Variants in ATG10 observed in about 807,000 individuals in gnomAD.
ATG10 encodes ubiquitin-like-conjugating enzyme ATG10.
In ATG10, 30 loss-of-function variants were observed where a neutral mutation model predicts 32.1. That is an observed-to-expected ratio of 0.94 (90% CI 0.70 to 1.27). The LOEUF is 1.27. Ranked by LOEUF, ATG10 falls within the 50% of genes most tolerant of loss-of-function variation. The pLI is 0.00. For missense variants in ATG10, 233 were observed against 262.3 expected (o/e 0.89, Z 0.77); for synonymous variants, 87 against 91.5 (o/e 0.95, Z 0.28).
intron 5 of ATG10, among the ~76,000 whole-genome samples, chr5:82,237,697 T>C (rs1053144624): frequency 1.3e-5 from 2 of 151,784 alleles, no homozygotes; most frequent in Non-Finnish European, 2.9e-5. Flanking sequence ...AGAAGTGACC[T>C]CTCCTTTCTT....
intron 2 of ATG10, among the ~76,000 whole-genome samples, chr5:82,014,811 C>G (rs796459290): frequency 6.6e-6 from 1 of 152,270 alleles, no homozygotes; most frequent in East Asian, 1.9e-4. Context: ...TTAATTGGAG[C>G]ATTTAGCCCA....
chr5:82,092,076 T>G (rs1288953956), intron 3 of ATG10, among the ~76,000 whole-genome samples: 1 of 152,182 alleles, frequency 6.6e-6, no homozygotes, highest in African/African-American at 2.4e-5. Flanking sequence ...CACTACCAAT[T>G]TAGTTTAATA....
intron 2 of ATG10, among the ~76,000 whole-genome samples, chr5:82,012,631 C>T (rs1229816412): frequency 6.6e-6 from 1 of 152,086 alleles, no homozygotes; most frequent in East Asian, 1.9e-4. Flanking sequence ...TCTGAGAGCT[C>T]CTTGACAGCA....
chr5:82,148,566 T>C (rs1767458139), intron 3 of ATG10, among the ~76,000 whole-genome samples: 2 of 152,186 alleles, frequency 1.3e-5, no homozygotes, highest in African/African-American at 4.8e-5. Flanking sequence ...TACTTTGACA[T>C]TTATATCCCC....
intron 2 of ATG10, among the ~76,000 whole-genome samples, chr5:82,047,231 T>A (rs1763260288): frequency 6.6e-6 from 1 of 152,032 alleles, no homozygotes; most frequent in Non-Finnish European, 1.5e-5. Context: ...AAAACCAAAT[T>A]GTTTAATAAA....
At chr5:82,170,511 A>C (rs1215332951) in intron 4 of ATG10, among the ~76,000 whole-genome samples, 2 of 152,182 alleles carry the variant, frequency 1.3e-5, no homozygotes, top group African/African-American at 4.8e-5. Flanking sequence ...AAGGGTATTC[A>C]AAGTGCTGGT....
At chr5:82,244,150 C>T (rs1351542001) in intron 5 of ATG10, among the ~76,000 whole-genome samples, 3 of 152,056 alleles carry the variant, frequency 2.0e-5, no homozygotes, top group Admixed American at 6.5e-5. Flanking sequence ...GGGATTAGCT[C>T]GCTTTTATTC....
At chr5:82,126,515 CTTT>C (rs1766286077) in intron 3 of ATG10, among the ~76,000 whole-genome samples, 1 of 84,908 alleles carries the variant, frequency 1.2e-5, no homozygotes, top group Non-Finnish European at 2.5e-5. Context: ...TATCGAAGGC[CTTT>C]TCTGCATCTA....
rs373358022 is a variant in ATG10, at chr5:82,058,607, G to A, written c.216+5G>A. ...CAGACATGTCTTCCCATGGAGGTGA[G>A]TAGTTTAATGCATCATGTTCTTTTC... On this transcript the variant is annotated splice_donor_5th_base_variant and intron_variant, in intron 3 of 7. Coordinates refer to ENST00000282185, the MANE Select transcript of ATG10 (RefSeq NM_031482.5). The A allele has an allele frequency of 6.4e-7, 1 of 1,562,236 alleles. No individual in the cohort carries two copies. The highest frequency in any genetic ancestry group is 8.8e-7 in the Non-Finnish European group (1 of 1,135,780).
chr5:81,977,645 C>T (rs1760907144), intron 1 of ATG10, among the ~76,000 whole-genome samples: 1 of 152,194 alleles, frequency 6.6e-6, no homozygotes, highest in Non-Finnish European at 1.5e-5. Context: ...TGCAGGAGCT[C>T]CTCAATCTTT....
intron 3 of ATG10, among the ~76,000 whole-genome samples, chr5:82,113,289 C>T (rs982406494): frequency 2.4e-4 from 37 of 151,872 alleles, no homozygotes; most frequent in African/African-American, 8.9e-4. Context: ...GCATATTTTG[C>T]CTTGAATCAG....
At chr5:82,249,189 A>G in intron 5 of ATG10, among the ~76,000 whole-genome samples, 1 of 152,240 alleles carries the variant, frequency 6.6e-6, no homozygotes, top group Non-Finnish European at 1.5e-5. Context: ...TTTTATTTTA[A>G]TTTAAATTCA....
At chr5:82,214,774 T>C (rs1359441890) in intron 5 of ATG10, among the ~76,000 whole-genome samples, 5 of 152,120 alleles carry the variant, frequency 3.3e-5, no homozygotes, top group African/African-American at 4.8e-5. Flanking sequence ...CTAACCCTCA[T>C]TGAGACTCCC....
At chr5:82,095,519 CTG>C (rs1307039515) in intron 3 of ATG10, among the ~76,000 whole-genome samples, 1 of 152,134 alleles carries the variant, frequency 6.6e-6, no homozygotes, top group Non-Finnish European at 1.5e-5. Context: ...CTAATTATCT[CTG>C]TATGCACGCT....
intron 2 of ATG10, chr5:82,009,496 C>T (rs538515768): frequency 4.8e-5 from 45 of 944,048 alleles, no homozygotes; most frequent in Non-Finnish European, 6.2e-5. Flanking sequence ...GCAGCGAGAG[C>T]ACAAAGATTC....
At chr5:82,004,830 AC>A (rs1433677872) in intron 2 of ATG10, among the ~76,000 whole-genome samples, 1 of 152,112 alleles carries the variant, frequency 6.6e-6, no homozygotes, top group Non-Finnish European at 1.5e-5. Context: ...TATCTTGTTG[AC>A]CCGTAACAAA....
intron 5 of ATG10, among the ~76,000 whole-genome samples, chr5:82,224,651 T>C (rs1359795348): frequency 6.6e-6 from 1 of 152,102 alleles, no homozygotes; most frequent in Non-Finnish European, 1.5e-5. Flanking sequence ...TGGAAGTGAT[T>C]GTCTTCAAGG....
chr5:82,088,366 T>C (rs1254300953), intron 3 of ATG10, among the ~76,000 whole-genome samples: 1 of 152,136 alleles, frequency 6.6e-6, no homozygotes, highest in African/African-American at 2.4e-5. Context: ...AAAGAAGACT[T>C]GGATATGTAT....
chr5:82,073,932 CT>C (rs1328375305), intron 3 of ATG10, among the ~76,000 whole-genome samples: 1 of 152,072 alleles, frequency 6.6e-6, no homozygotes, highest in Non-Finnish European at 1.5e-5. Context: ...ATGGTGAGTC[CT>C]GCAAATGGTA....
Sources: allele counts gnomAD v4.1 joint callset (sites outside exome capture counted in the v4.1 genomes callset), GRCh38; gene constraint gnomAD v4.1.1; transcripts MANE v1.5; gene names NCBI Gene and HGNC (gene_info 2026-07-23, HGNC 2026-07-21).